FHIP1A: variants seen among roughly 807,000 people sequenced by gnomAD.
FHIP1A encodes FHF complex subunit HOOK-interacting protein 1A.
A neutral mutation model predicts 88.6 loss-of-function variants in FHIP1A; 61 were observed. The ratio of observed to expected loss-of-function variants is 0.69; its 90% CI spans 0.56 to 0.85. The LOEUF is 0.85. Among genes scored for constraint, FHIP1A ranks in the 40% least tolerant of loss-of-function variants. The pLI, the probability that FHIP1A is intolerant of heterozygous loss-of-function variation, is 0.00. For synonymous variants in FHIP1A, 478 were observed against 496.0 expected (o/e 0.96, Z 0.48); for missense variants, 1,154 against 1,273.5 (o/e 0.91, Z 1.43).
At chr4:151,491,137 A>G (rs752552179) in intron 3 of FHIP1A, among the ~76,000 whole-genome samples, 1 of 152,194 alleles carries the variant, frequency 6.6e-6, no homozygotes, top group Non-Finnish European at 1.5e-5. Context: ...AAGAAGCTCA[A>G]AGAACATCTG....
At chr4:151,427,851 A>G (rs1042029831) in intron 1 of FHIP1A, among the ~76,000 whole-genome samples, 1 of 152,158 alleles carries the variant, frequency 6.6e-6, no homozygotes, top group African/African-American at 2.4e-5. Flanking sequence ...TGGCGAAGGA[A>G]TAGATCTAAA....
intron 3 of FHIP1A, among the ~76,000 whole-genome samples, chr4:151,522,551 G>A (rs922325005): frequency 6.6e-6 from 1 of 152,162 alleles, no homozygotes; most frequent in South Asian, 2.1e-4. Flanking sequence ...TGCCTACTGT[G>A]AATTCCCTTC....
chr4:151,617,618 G>T (rs971725280), intron 7 of FHIP1A, among the ~76,000 whole-genome samples: 9 of 152,194 alleles, frequency 5.9e-5, no homozygotes, highest in African/African-American at 1.9e-4. Context: ...AGGCGCGGTG[G>T]CTCATGCCTG....
chr4:151,564,785 A>G (rs1039388832), intron 3 of FHIP1A, among the ~76,000 whole-genome samples: 1 of 152,120 alleles, frequency 6.6e-6, no homozygotes, highest in Non-Finnish European at 1.5e-5. Context: ...TTCTTTTTCA[A>G]AAATGTTTCT....
At chr4:151,547,972 G>C (rs1411689095) in intron 3 of FHIP1A, among the ~76,000 whole-genome samples, 1 of 151,936 alleles carries the variant, frequency 6.6e-6, no homozygotes, top group Non-Finnish European at 1.5e-5. Context: ...GTGTCACTTT[G>C]AATCTCCCCT....
At chr4:151,417,027 C>T (rs1400402209) in intron 1 of FHIP1A, among the ~76,000 whole-genome samples, 1 of 152,102 alleles carries the variant, frequency 6.6e-6, no homozygotes, top group African/African-American at 2.4e-5. Flanking sequence ...CCAAGAGATT[C>T]CCCTGTCTTG....
At chr4:151,499,946 A>G (rs1580637412) in intron 3 of FHIP1A, among the ~76,000 whole-genome samples, 1 of 152,240 alleles carries the variant, frequency 6.6e-6, no homozygotes, top group Admixed American at 6.5e-5. Flanking sequence ...GGGTGGTGAC[A>G]CAGCCAAACC....
chr4:151,555,585 G>C (rs1302376622), intron 3 of FHIP1A, among the ~76,000 whole-genome samples: 1 of 152,004 alleles, frequency 6.6e-6, no homozygotes, highest in East Asian at 1.9e-4. Context: ...TTCCTTGAAG[G>C]GGAGGAAAAA....
chr4:151,535,931 A>G (rs1560754424), intron 3 of FHIP1A, among the ~76,000 whole-genome samples: 1 of 152,212 alleles, frequency 6.6e-6, no homozygotes, highest in Non-Finnish European at 1.5e-5. Context: ...CTTAATTTTC[A>G]ACACATTACA....
chr4:151,466,754 G>A (rs933764779), intron 2 of FHIP1A, among the ~76,000 whole-genome samples: 2 of 152,134 alleles, frequency 1.3e-5, no homozygotes, highest in Non-Finnish European at 2.9e-5. Context: ...TTAATAAATG[G>A]TGCTGGGAAA....
chr4:151,452,085 T>C (rs938506048), intron 1 of FHIP1A, among the ~76,000 whole-genome samples: 1 of 152,194 alleles, frequency 6.6e-6, no homozygotes, highest in African/African-American at 2.4e-5. Flanking sequence ...CCTCCCAAAA[T>C]GTTAGAATTA....
At position 151,621,862 on chromosome 4, in the gene FHIP1A, G is replaced by A. The variant is rs575060212; in HGVS notation, c.979-7840G>A. Reference sequence around the variant, plus strand: ...AATTGAAGAGCATGGAATGAGTTACGCTCTGCATTTTCAATGAAATGTTAT... The same window carrying A: ...AATTGAAGAGCATGGAATGAGTTACACTCTGCATTTTCAATGAAATGTTAT... On this transcript the variant is annotated intron_variant, in intron 7 of 13. Transcript: ENST00000435205. Among the ~76,000 whole-genome samples, 5 of 151,728 alleles carry A rather than the reference G, an allele frequency of 3.3e-5. No homozygotes were observed. In the East Asian group the frequency reaches 5.8e-4, roughly 18 times the overall value.
chr4:151,416,982 G>T (rs1329538697), intron 1 of FHIP1A, among the ~76,000 whole-genome samples: 1 of 151,948 alleles, frequency 6.6e-6, no homozygotes, highest in African/African-American at 2.4e-5. Flanking sequence ...ACAAGGTTTT[G>T]GCATGTTGCT....
At chr4:151,524,498 C>T (rs1393901190) in intron 3 of FHIP1A, among the ~76,000 whole-genome samples, 1 of 152,012 alleles carries the variant, frequency 6.6e-6, no homozygotes, top group Non-Finnish European at 1.5e-5. Context: ...TGTCTAGACT[C>T]CAAGATTCCT....
At chr4:151,654,742 C>T (rs998769113) in intron 11 of FHIP1A, among the ~76,000 whole-genome samples, 1 of 152,134 alleles carries the variant, frequency 6.6e-6, no homozygotes, top group African/African-American at 2.4e-5. Context: ...TCCAGAGTTT[C>T]CAAATGTGTT....
In FHIP1A at chr4:151,641,987, A is replaced by T. The variant is rs944232557; in HGVS notation, c.1226+3231A>T. Among the ~76,000 whole-genome samples, 10 of 152,354 alleles carry T rather than the reference A, an allele frequency of 6.6e-5. No individual in the cohort carries two copies. In the East Asian group the frequency reaches 1.2e-3, roughly 18 times the overall value. ...TGACTGTATGTCAATTTTTATTACA[A>T]CCCAAATACTCATAAATACCAACAT... On this transcript the variant is annotated intron_variant, in intron 9 of 13. Coordinates refer to ENST00000435205, the MANE Select transcript of FHIP1A (RefSeq NM_001109977.3).
chr4:151,594,902 G>T (rs1734589120), intron 7 of FHIP1A, among the ~76,000 whole-genome samples: 1 of 152,024 alleles, frequency 6.6e-6, no homozygotes, highest in African/African-American at 2.4e-5. Flanking sequence ...GTGTCTATTT[G>T]ATTCTTCTCT....
intron 3 of FHIP1A, among the ~76,000 whole-genome samples, chr4:151,558,337 A>G (rs1370878487): frequency 6.6e-6 from 1 of 152,082 alleles, no homozygotes; most frequent in Non-Finnish European, 1.5e-5. Flanking sequence ...GGAGTTCGAG[A>G]CCAGCTTGGC....
chr4:151,649,617 G>C lies in FHIP1A; in HGVS notation c.1576G>C (p.Asp526His). ...RDCRVWSALY[D>H]GDSPDPEMFL... is the part of the protein sequence containing the mutation. ...CTGCCGTGTCTGGTCCGCCCTGTAT[G>C]ATGGCGACTCCCCCGACCCTGAGAT... The change falls in exon 11 of 14, where the codon GAT becomes CAT. Residue 526 changes from aspartate to histidine, a missense_variant. Coordinates refer to ENST00000435205, the MANE Select transcript of FHIP1A (RefSeq NM_001109977.3). 6.4e-7 allele frequency: 1 copy of C among 1,551,714 alleles called. No individual in the cohort carries two copies. Among genetic ancestry groups the C allele is most frequent in the Non-Finnish European group, 8.7e-7 (1 of 1,146,986 alleles).
Sources: gnomAD v4.1 joint callset for allele counts (sites outside exome capture counted in the v4.1 genomes callset) on GRCh38, gnomAD v4.1.1 for gene constraint, MANE v1.5 for transcripts, NCBI Gene and HGNC (gene_info 2026-07-23, HGNC 2026-07-21) for gene names.